The following HDAC1 variants were observed in gnomAD, a reference collection of about 807,000 sequenced individuals.
HDAC1 encodes the protein protein deacetylase HDAC1.
HDAC1 carries 18 observed loss-of-function variants against 65.5 expected under a neutral mutation model. The observed-to-expected ratio is 0.27, with a 90% CI of 0.19 to 0.41. HDAC1 has a LOEUF of 0.41. Ranked by LOEUF, HDAC1 falls within the 10% of genes least tolerant of loss-of-function variation. The probability of loss-of-function intolerance (pLI) is 1.00; values close to 1 mark genes in which losing one functional copy is unlikely to be tolerated. For synonymous variants in HDAC1, 211 were observed against 227.9 expected, an observed-to-expected ratio of 0.93 and a Z score of 0.67; for missense variants, 373 against 625.2, an observed-to-expected ratio of 0.60 and a Z score of 4.30.
chr1:32,309,680 C>CAAA (rs560312057), intron 2 of HDAC1, among the ~76,000 whole-genome samples: 40 of 50,718 alleles, frequency 7.9e-4, no homozygotes, highest in African/African-American at 1.4e-3. Flanking sequence ...GAGCGAGTCT[C>CAAA]AAAAAAAAAA....
chr1:32,309,077 G>A lies in HDAC1; in HGVS notation c.162+6344G>A, dbSNP rs145320122. 3.0e-3 allele frequency among the ~76,000 whole-genome samples: 455 copies of A among 152,036 alleles called. 4 individuals are homozygous for A. Among genetic ancestry groups the A allele is most frequent in the African/African-American group, 0.01 (415 of 41,336 alleles). On this transcript the variant is annotated intron_variant, in intron 2 of 13. Transcript: ENST00000373548. ...TCTGCCCCCCTTAGCCTCCCAAAGC[G>A]TTAGGATTATAGGCATGAGCCACCA...
At chr1:32,299,481 C>T (rs566247335) in intron 1 of HDAC1, among the ~76,000 whole-genome samples, 11 of 152,286 alleles carry the variant, frequency 7.2e-5, no homozygotes, top group African/African-American at 2.6e-4. Flanking sequence ...TCACTACCCT[C>T]ACCTCAGATA....
chr1:32,295,506 G>T (rs1283842491), intron 1 of HDAC1, among the ~76,000 whole-genome samples: 2 of 152,158 alleles, frequency 1.3e-5, no homozygotes, highest in Non-Finnish European at 2.9e-5. Flanking sequence ...GTCTGGTGAG[G>T]GTCTGGTCTC....
rs35808493 is a variant in HDAC1 at position 32,313,082 on chromosome 1, T to TTTTATTTA, written c.163-3559_163-3552dup. ...AGAGATTGCCCAATAACTTATTTTA[T>TTTTATTTA]TTTATTTATTTATTTATTTATTTAT... is the stretch of plus-strand genomic sequence containing the variant. On this transcript the variant is annotated intron_variant, in intron 2 of 13. Transcript: ENST00000373548. Among the ~76,000 whole-genome samples the TTTTATTTA allele has an allele frequency of 4.2e-3, 629 of 148,508 alleles. 1 individual carries two copies. The highest frequency in any genetic ancestry group is 0.017 in the South Asian group (81 of 4,722).
At chr1:32,305,903 C>A (rs1640904503) in intron 2 of HDAC1, among the ~76,000 whole-genome samples, 2 of 152,144 alleles carry the variant, frequency 1.3e-5, no homozygotes, top group African/African-American at 4.8e-5. Flanking sequence ...AGCCACAGTG[C>A]CTGACCCATT....
At chr1:32,326,844 G>C (rs903836690) in intron 4 of HDAC1, 95 bp from the exon 5 acceptor site, 3 of 1,316,534 alleles carry the variant, frequency 2.3e-6, no homozygotes, top group Non-Finnish European at 3.2e-6. Context: ...CTGTTGAATA[G>C]GCAGGTCTTA....
rs773597932 is a variant in HDAC1 at position 32,329,414 on chromosome 1, G to A, written c.729+254G>A. 9 of 577,504 alleles carry A rather than the reference G, an allele frequency of 1.6e-5. No individual in the cohort carries two copies. The highest frequency in any genetic ancestry group is 2.9e-5 in the East Asian group (1 of 34,534). The allele number at this position is 577,504 out of a possible 1,614,324, so 35.8% of individuals were successfully genotyped here. A position where few individuals can be genotyped will look rare whatever the true frequency, so the allele number is the denominator to read the frequency against. On this transcript the variant is annotated intron_variant, in intron 7 of 13. Coordinates refer to ENST00000373548, the MANE Select transcript of HDAC1 (RefSeq NM_004964.3). The surrounding 1 kb of genome is among the most constrained non-coding windows in gnomAD (Gnocchi z 4.1). ...CATGATCTTTGCCCTCACGGACTAT[G>A]GTGGGGAAGGCAGGCACATACCCAG...
In HDAC1 at chr1:32,331,765, G is replaced by C. The variant is rs1312959007; in HGVS notation, c.1178G>C (p.Ser393Thr). Residue 393 changes from serine (S) to threonine (T), a missense_variant, in exon 11 of 14, where the codon AGT (serine) becomes ACT (threonine). This residue lies in a region of HDAC1 where 126 missense variants were observed against 126.2 expected (regional missense o/e 1.00). Coordinates refer to ENST00000373548, the MANE Select transcript of HDAC1 (RefSeq NM_004964.3). This position sits in a 1 kb window ranked among gnomAD's most constrained non-coding sequence, Gnocchi z 4.2. ...CCTGAGGACGCCATCCCTGAGGAGA[G>C]TGGCGATGAGGACGAAGACGACCCT... is the stretch of plus-strand genomic sequence containing the variant. Reference protein sequence around the residue: ...AIPEDAIPEESGDEDEDDPDK... With the variant: ...AIPEDAIPEETGDEDEDDPDK... 1 of 1,614,044 alleles carries C rather than the reference G, an allele frequency of 6.2e-7. No individual in the cohort carries two copies.
intron 2 of HDAC1, among the ~76,000 whole-genome samples, chr1:32,308,592 C>T (rs1214839169): frequency 1.3e-5 from 2 of 152,072 alleles, no homozygotes; most frequent in Non-Finnish European, 2.9e-5. Flanking sequence ...AATCTCGGCC[C>T]ACTGCAAGCT....
At chr1:32,332,537 C>T (rs1264009436) in intron 12 of HDAC1, among the ~76,000 whole-genome samples, 164 bp from the exon 13 acceptor site, 4 of 152,226 alleles carry the variant, frequency 2.6e-5, no homozygotes, top group African/African-American at 9.6e-5. Flanking sequence ...GAAACCAGTC[C>T]AACCTGTTCT....
intron 3 of HDAC1, among the ~76,000 whole-genome samples, chr1:32,319,081 T>C (rs937374127): frequency 1.3e-5 from 2 of 151,982 alleles, no homozygotes; most frequent in Non-Finnish European, 2.9e-5. Context: ...ATCGCGCCAC[T>C]GCACTCCAGC....
intron 3 of HDAC1, among the ~76,000 whole-genome samples, chr1:32,321,447 CTT>C (rs1641146075): frequency 6.8e-6 from 1 of 147,016 alleles, no homozygotes; most frequent in Admixed American, 6.9e-5. Context: ...CTTCCCATCT[CTT>C]TGCAATGAGC....
chr1:32,300,510 A>ATAG (rs1557600047), intron 1 of HDAC1, among the ~76,000 whole-genome samples: 1 of 152,126 alleles, frequency 6.6e-6, no homozygotes, highest in Non-Finnish European at 1.5e-5. Flanking sequence ...AGCCGCCGAG[A>ATAG]TAGTACCATT....
intron 4 of HDAC1, among the ~76,000 whole-genome samples, 159 bp downstream of exon 4, chr1:32,324,712 G>A (rs990765543): frequency 1.8e-4 from 28 of 152,136 alleles, no homozygotes; most frequent in African/African-American, 6.8e-4. Context: ...TCTCACACCT[G>A]TAATCCCAGC....
chr1:32,330,594 T>C lies in HDAC1; in HGVS notation c.746T>C (p.Met249Thr), dbSNP rs1163541564. ...AIFKPVMSKV[M>T]EMFQPSAVVL... ...TCATTTTAGGTCATGTCCAAAGTAA[T>C]GGAGATGTTCCAGCCTAGTGCGGTG... The change falls in exon 8 of 14, where the codon ATG becomes ACG. Residue 249 changes from methionine (M) to threonine (T), a missense_variant. Met to Thr is a moderately conservative substitution (Grantham distance 81). Coordinates refer to ENST00000373548, the MANE Select transcript of HDAC1 (RefSeq NM_004964.3). This position sits in a 1 kb window ranked among gnomAD's most constrained non-coding sequence, Gnocchi z 4.2. 3.1e-6 allele frequency: 5 copies of C among 1,611,418 alleles called. No individual in the cohort carries two copies. Among genetic ancestry groups the C allele is most frequent in the Non-Finnish European group, 4.2e-6 (5 of 1,177,590 alleles).
chr1:32,307,075 A>G (rs1640920794), intron 2 of HDAC1, among the ~76,000 whole-genome samples: 1 of 152,066 alleles, frequency 6.6e-6, no homozygotes, highest in African/African-American at 2.4e-5. Flanking sequence ...GTGAAACCCC[A>G]TCTCTACTAA....
chr1:32,292,147 G>A lies in HDAC1; in HGVS notation c.-23G>A. ...CGGGAGGGCGGACGGACCGACTGAC[G>A]GTAGGGACGGGAGGCGAGCAAGATG... On this transcript the variant is annotated 5_prime_UTR_variant, in exon 1 of 14. Transcript: ENST00000373548. 2 of 1,547,582 alleles carry A rather than the reference G, an allele frequency of 1.3e-6. No individual in the cohort carries two copies. Among genetic ancestry groups the A allele is most frequent in the Non-Finnish European group, 1.7e-6 (2 of 1,145,990 alleles).
intron 1 of HDAC1, among the ~76,000 whole-genome samples, chr1:32,296,850 CT>C (rs1484602000): frequency 6.6e-6 from 1 of 152,182 alleles, no homozygotes. Flanking sequence ...AGTGATGGAG[CT>C]TCCTGAGGAG....
intron 1 of HDAC1, among the ~76,000 whole-genome samples, chr1:32,302,092 T>C (rs1640856483): frequency 6.6e-6 from 1 of 152,196 alleles, no homozygotes; most frequent in South Asian, 2.1e-4. Context: ...GCTAGTGTTA[T>C]AGATTAAGCA....
Sources: allele counts gnomAD v4.1 joint callset (sites outside exome capture counted in the v4.1 genomes callset), GRCh38; gene constraint gnomAD v4.1.1; regional missense constraint gnomAD v4.1.1; non-coding constraint Gnocchi (gnomAD v3.1); transcripts MANE v1.5; gene names NCBI Gene and HGNC (gene_info 2026-07-23, HGNC 2026-07-21).